SFI1: variants seen among roughly 807,000 people sequenced by gnomAD.
SFI1 encodes SFI1 centrin binding protein, also known as protein SFI1 homolog.
In SFI1, 195 loss-of-function variants were observed where a neutral mutation model predicts 207.5. The ratio of observed to expected loss-of-function variants is 0.94; its 90% confidence interval spans 0.84 to 1.06. The LOEUF is 1.06. Among genes scored for constraint, SFI1 ranks in the 50% least tolerant of loss-of-function variants. The pLI, the probability that SFI1 is intolerant of heterozygous loss-of-function variation, is 0.00. For missense variants in SFI1, 1,634 were observed against 1,588.0 expected, an observed-to-expected ratio of 1.03 and a Z score of -0.49; for synonymous variants, 630 against 598.9, an observed-to-expected ratio of 1.05 and a Z score of -0.76.
chr22:31,556,720 G>C (rs890117989), intron 6 of SFI1, among the ~76,000 whole-genome samples: 1 of 152,168 alleles, frequency 6.6e-6, no homozygotes, highest in African/African-American at 2.4e-5. Context: ...TTCAGTACAT[G>C]GGTTTTCCTT....
chr22:31,601,761 G>A (rs1402152889), intron 15 of SFI1, among the ~76,000 whole-genome samples: 1 of 151,800 alleles, frequency 6.6e-6, no homozygotes, highest in Non-Finnish European at 1.5e-5. Flanking sequence ...CTTTCTCTTT[G>A]TGTTGCTTTC....
At position 31,555,721 on chromosome 22, in the gene SFI1, G is replaced by C. The variant is rs1000464244; in HGVS notation, c.545-1221G>C. Reference sequence around the variant, plus strand: ...GAGATTAGGTGTGTAATAAATGAAAGGGCCAGTAAGTCTGGCTTGTCTTAC... The same window carrying C: ...GAGATTAGGTGTGTAATAAATGAAACGGCCAGTAAGTCTGGCTTGTCTTAC... On this transcript the variant is annotated intron_variant, in intron 6 of 32. Coordinates refer to ENST00000400288, the MANE Select transcript of SFI1 (RefSeq NM_001007467.3). Among the ~76,000 whole-genome samples, 8 of 152,284 alleles carry C rather than the reference G, an allele frequency of 5.3e-5. No individual in the cohort carries two copies. In the South Asian group the frequency reaches 8.3e-4, roughly 16 times the overall value.
At chr22:31,564,717 C>T (rs1209519731) in intron 8 of SFI1, among the ~76,000 whole-genome samples, 2 of 151,544 alleles carry the variant, frequency 1.3e-5, no homozygotes, top group Non-Finnish European at 1.5e-5. Flanking sequence ...ACCATGTTGC[C>T]CAGGCTGGTC....
chr22:31,543,441 C>T (rs1322664013), intron 4 of SFI1, among the ~76,000 whole-genome samples: 1 of 152,114 alleles, frequency 6.6e-6, no homozygotes, highest in Non-Finnish European at 1.5e-5. Flanking sequence ...TGGTGGTTCA[C>T]TCTTCTCTTA....
At chr22:31,555,277 C>T (rs780460431) in intron 6 of SFI1, among the ~76,000 whole-genome samples, 4 of 152,070 alleles carry the variant, frequency 2.6e-5, no homozygotes, top group African/African-American at 7.2e-5. Context: ...TGCTTGGGCC[C>T]AGGAGTTCGA....
chr22:31,613,976 G>C, intron 27 of SFI1, 121 bp downstream of exon 27: 1 of 1,298,484 alleles, frequency 7.7e-7, no homozygotes, highest in Non-Finnish European at 1.0e-6. Context: ...TGTCACAGCT[G>C]AGCTGCTGGG....
Position 31,575,274 on chromosome 22 carries a change from C to G in SFI1, c.966C>G (p.Tyr322Ter). 1 of 1,612,894 alleles carries G rather than the reference C, an allele frequency of 6.2e-7. No homozygotes were observed. Among genetic ancestry groups the G allele is most frequent in the East Asian group, 2.2e-5 (1 of 44,814 alleles). The stretch of plus-strand genomic sequence containing the variant: ...ATCATGTCACTGTGCTCCAGATATA[C>G]TTCTGTGACTGGCAGCAGGCCTGGG... ...RFHHVTVLQI[Y>*]FCDWQQAWER... Residue 322 changes from tyrosine (Y) to a stop codon, truncating the protein, a stop_gained, in exon 10 of 33, where the codon TAC becomes TAG. Transcript: ENST00000400288. LOFTEE classifies it high-confidence loss of function.
intron 1 of SFI1, among the ~76,000 whole-genome samples, chr22:31,504,629 G>C (rs1372022209): frequency 6.6e-6 from 1 of 152,146 alleles, no homozygotes; most frequent in South Asian, 2.1e-4. Flanking sequence ...AAAACTAATA[G>C]AAGTTTATTC....
In SFI1 at chr22:31,604,343, T is replaced by G; in HGVS notation, c.1916T>G (p.Leu639Arg). The change falls in exon 19 of 33, where the codon CTG (leucine) becomes CGG (arginine). Residue 639 changes from leucine to arginine, a missense_variant. Physicochemically the swap from Leu to Arg is moderately radical, Grantham distance 102. Transcript: ENST00000400288. ...LALRGAERQK[L>R]MRADLHHQHS... is the part of the protein sequence containing the mutation. ...CTGCGGGGAGCGGAGCGGCAGAAGC[T>G]GATGCGAGCAGACCTGCACCACCAG... is the stretch of plus-strand genomic sequence containing the variant. 6.3e-7 allele frequency: 1 copy of G among 1,580,960 alleles called. No individual in the cohort carries two copies. Among genetic ancestry groups the G allele is most frequent in the Non-Finnish European group, 8.6e-7 (1 of 1,165,582 alleles).
At chr22:31,575,007 C>T (rs1050804237) in intron 9 of SFI1, among the ~76,000 whole-genome samples, 2 of 149,680 alleles carry the variant, frequency 1.3e-5, no homozygotes, top group South Asian at 2.1e-4. Flanking sequence ...TGCAGTGAGC[C>T]GAGATCCCGC....
rs768387832 is a variant in SFI1 at position 31,615,258 on chromosome 22, C to T, written c.3279C>T (p.Cys1093=). 2.7e-5 allele frequency: 41 copies of T among 1,506,328 alleles called. No homozygotes were observed. The highest frequency in any genetic ancestry group is 3.1e-5 in the Non-Finnish European group (35 of 1,134,878). 93.3% of individuals were successfully genotyped at this position (1,506,328 alleles called of 1,614,324 possible). Residue 1093 remains cysteine, a synonymous_variant, in exon 29 of 33, where the codon TGC becomes TGT. Transcript: ENST00000400288. ...TGCCTCTTTCCTCCTTCATGCCCTG[C>T]GGGGCGGCTGCACCAGCCAGGGTAC... ...LLLPLSSFMP[C]GAAAPARVSA...
intron 8 of SFI1, among the ~76,000 whole-genome samples, chr22:31,562,437 C>CAA (rs528463423): frequency 0.051 from 5,065 of 99,914 alleles, 184 homozygotes; most frequent in African/African-American, 0.12. Context: ...GGCCCTGTCT[C>CAA]AAAAAAAAAA....
chr22:31,591,252 C>T (rs1332392554), intron 15 of SFI1, among the ~76,000 whole-genome samples: 1 of 152,140 alleles, frequency 6.6e-6, no homozygotes, highest in African/African-American at 2.4e-5. Flanking sequence ...TGAGTGGACA[C>T]AGCACATGTT....
In SFI1 at chr22:31,602,628, C is replaced by A; in HGVS notation, c.1648C>A (p.Gln550Lys). ...TCAGGCCATCCTTCACGCAGAGCGA[C>A]AGCTTCTGTATAGGTCTTGGTTCAT... Reference protein sequence around the residue: ...ERMAILHAERQLLYRSWFMWH... With the variant: ...ERMAILHAERKLLYRSWFMWH... Residue 550 changes from glutamine to lysine, a missense_variant, in exon 17 of 33, where the codon CAG becomes AAG. Transcript: ENST00000400288. The A allele has an allele frequency of 1.2e-6, 2 of 1,614,188 alleles. No homozygotes were observed. The highest frequency in any genetic ancestry group is 1.7e-6 in the Non-Finnish European group (2 of 1,180,036).
intron 12 of SFI1, among the ~76,000 whole-genome samples, chr22:31,581,885 T>G (rs1455866527): frequency 6.6e-6 from 1 of 152,082 alleles, no homozygotes; most frequent in Non-Finnish European, 1.5e-5. Context: ...ATTATAGACA[T>G]CATGACACTT....
intron 2 of SFI1, among the ~76,000 whole-genome samples, chr22:31,528,077 C>A (rs1381693572): frequency 1.3e-5 from 2 of 151,974 alleles, no homozygotes; most frequent in Non-Finnish European, 2.9e-5. Flanking sequence ...CGCGCCACTG[C>A]ACTCCAGCCT....
In SFI1 at chr22:31,606,311, C is replaced by T; in HGVS notation, c.2055-17C>T. 1 of 1,610,830 alleles carries T rather than the reference C, an allele frequency of 6.2e-7. No individual in the cohort carries two copies. Reference sequence around the variant, plus strand: ...ATCCTGGTGTCATCTGCCTTCCTCGCACCCATGCATCTGCAGCGGGGCATT... The same window carrying T: ...ATCCTGGTGTCATCTGCCTTCCTCGTACCCATGCATCTGCAGCGGGGCATT... On this transcript the variant is annotated splice_polypyrimidine_tract_variant and intron_variant, in intron 20 of 32. Coordinates refer to ENST00000400288, the MANE Select transcript of SFI1 (RefSeq NM_001007467.3).
chr22:31,583,102 T>G (rs1029027241), intron 12 of SFI1, among the ~76,000 whole-genome samples: 8 of 152,034 alleles, frequency 5.3e-5, no homozygotes, highest in East Asian at 1.9e-4. Flanking sequence ...TATAATTTTT[T>G]TTGTTGTTGT....
chr22:31,599,082 G>C (rs533623631), intron 15 of SFI1, among the ~76,000 whole-genome samples: 4 of 151,202 alleles, frequency 2.6e-5, no homozygotes, highest in African/African-American at 7.3e-5. Flanking sequence ...GTGAGCCACC[G>C]CGCCCGGCCC....
Sources: allele counts gnomAD v4.1 joint callset (sites outside exome capture counted in the v4.1 genomes callset), GRCh38; gene constraint gnomAD v4.1.1; transcripts MANE v1.5; gene names NCBI Gene and HGNC (gene_info 2026-07-23, HGNC 2026-07-21).